MACF1: variants seen among roughly 807,000 people sequenced by gnomAD.
MACF1 encodes the protein microtubule actin crosslinking factor 1, also known as microtubule-actin cross-linking factor 1.
A neutral mutation model predicts 854.8 loss-of-function variants in MACF1; 193 were observed. That is an observed-to-expected ratio of 0.23 (90% confidence interval 0.20 to 0.25). The LOEUF is 0.25. MACF1 is among the 10% of genes least tolerant of loss of function. The pLI is 1.00. For synonymous variants in MACF1, 3,185 were observed against 3,226.7 expected (o/e 0.99, Z 0.44); for missense variants, 7,722 against 8,929.1 (o/e 0.86, Z 5.45).
intron 26 of MACF1, among the ~76,000 whole-genome samples, chr1:39,315,233 C>G (rs1424289096): frequency 1.3e-5 from 2 of 152,126 alleles, no homozygotes; most frequent in African/African-American, 4.8e-5. Flanking sequence ...ATTTTCCCTT[C>G]TTTTATATAC....
Position 39,250,054 on chromosome 1 carries a change from A to T in MACF1, c.212A>T (p.Asp71Val). The T allele has an allele frequency of 1.2e-6, 2 of 1,613,842 alleles. No individual in the cohort carries two copies. Among genetic ancestry groups the T allele is most frequent in the Non-Finnish European group, 1.7e-6 (2 of 1,179,816 alleles). The change falls in exon 3 of 101, where the codon GAT becomes GTT. Residue 71 changes from aspartate (D) to valine (V), a missense_variant. By Grantham distance (152) the Asp-to-Val change is radical. Around this residue, in one of 15 missense-constraint regions of MACF1, gnomAD observed 82 missense variants for 84.0 expected, o/e 0.98. Coordinates refer to ENST00000564288, the MANE Select transcript of MACF1 (RefSeq NM_001394062.1). ...HINDLYEDLR[D>V]GHNLISLLEV... is the part of the protein sequence containing the mutation. ...AATGATCTTTATGAAGATCTGCGGG[A>T]TGGCCATAACCTGATCTCTCTGTTG...
At chr1:39,090,574 T>A (rs1641777960) in intron 2 of MACF1, among the ~76,000 whole-genome samples, 1 of 152,206 alleles carries the variant, frequency 6.6e-6, no homozygotes, top group Non-Finnish European at 1.5e-5. Context: ...TGTAATGCCA[T>A]CTTAATGCCA....
intron 92 of MACF1, 80 bp from the exon 93 acceptor site, chr1:39,461,791 CAAAAAAAAAAAA>C (rs59393084): frequency 7.4e-5 from 26 of 350,900 alleles, no homozygotes; most frequent in African/African-American, 1.5e-4. Flanking sequence ...GACCTTGTCT[CAAAAAAAAAAAA>C]AAAAAAAAAA....
At chr1:39,317,742 A>G (rs1306685180) in intron 29 of MACF1, among the ~76,000 whole-genome samples, 2 of 152,196 alleles carry the variant, frequency 1.3e-5, no homozygotes, top group African/African-American at 4.8e-5. Flanking sequence ...TTTGTATCCA[A>G]ATATGAGCCA....
chr1:39,485,524 T>C lies in MACF1; in HGVS notation c.22412-14T>C. 6.2e-7 allele frequency: 1 copy of C among 1,602,420 alleles called. No individual in the cohort carries two copies. The highest frequency in any genetic ancestry group is 8.5e-7 in the Non-Finnish European group (1 of 1,174,400). The stretch of plus-strand genomic sequence containing the variant: ...CATCTCTATTAAGTCTGCTGTTTTA[T>C]TCTTGAATTCCAGACCCTAAAAAGT... On this transcript the variant is annotated splice_polypyrimidine_tract_variant and intron_variant, in intron 100 of 100. Coordinates refer to ENST00000564288, the MANE Select transcript of MACF1 (RefSeq NM_001394062.1).
intron 2 of MACF1, among the ~76,000 whole-genome samples, chr1:39,189,162 C>T (rs1644215450): frequency 6.6e-6 from 1 of 152,206 alleles, no homozygotes; most frequent in Admixed American, 6.5e-5. Flanking sequence ...CTTCTCCTAC[C>T]AAGTCTTCAG....
intron 2 of MACF1, among the ~76,000 whole-genome samples, chr1:39,147,077 C>T (rs1643482678): frequency 6.7e-6 from 1 of 150,132 alleles, no homozygotes; most frequent in African/African-American, 2.5e-5. Flanking sequence ...CCTTCTCTCT[C>T]TTCCTCTCCT....
Position 39,302,953 on chromosome 1 carries a change from G to A in MACF1, c.2664G>A (p.Val888=). 2 of 1,614,128 alleles carry A rather than the reference G, an allele frequency of 1.2e-6. No homozygotes were observed. The highest frequency in any genetic ancestry group is 1.7e-6 in the Non-Finnish European group (2 of 1,179,964). The stretch of plus-strand genomic sequence containing the variant: ...CTATTTGCAAAAATGATGAATGTGT[G>A]CTAGAAGATAATTCTCAGCGGACCA... The part of the protein sequence containing the change: ...EITICKNDEC[V]LEDNSQRTKW... The change falls in exon 23 of 101, where the codon GTG becomes GTA. Residue 888 remains valine (V), a synonymous_variant. Coordinates refer to ENST00000564288, the MANE Select transcript of MACF1 (RefSeq NM_001394062.1).
intron 40 of MACF1, 41 bp from the exon 41 acceptor site, chr1:39,346,936 A>G (rs374286129): frequency 1.5e-6 from 2 of 1,308,644 alleles, no homozygotes; most frequent in African/African-American, 1.5e-5. Flanking sequence ...TGGAAGTATC[A>G]TGGTTTTTTG....
chr1:39,179,376 A>T (rs1401150993), intron 2 of MACF1, among the ~76,000 whole-genome samples: 1 of 152,198 alleles, frequency 6.6e-6, no homozygotes, highest in African/African-American at 2.4e-5. Context: ...GGATACTGGA[A>T]TGCCATTGAA....
intron 2 of MACF1, among the ~76,000 whole-genome samples, chr1:39,186,214 C>G (rs55714454): frequency 0.13 from 7,487 of 57,824 alleles, 726 homozygotes; most frequent in African/African-American, 0.3. Context: ...CTCTCTCTCT[C>G]TGTGTGTGTG....
intron 2 of MACF1, among the ~76,000 whole-genome samples, chr1:39,150,559 A>G (rs1437025622): frequency 2.0e-5 from 3 of 152,204 alleles, no homozygotes; most frequent in African/African-American, 4.8e-5. Flanking sequence ...AAAGATGTTA[A>G]GTGAGAATCC....
Position 39,380,337 on chromosome 1 carries a change from G to A in MACF1, c.13612G>A (p.Glu4538Lys), listed in dbSNP as rs1650068023. ...ACTGGTGACATATCCCAACTCACAG[G>A]AAGCAGAAAATTGGAAGAAAATTCA... The part of the protein sequence containing the change: ...GLLVTYPNSQ[E>K]AENWKKIQEE... Residue 4538 changes from glutamate to lysine, a missense_variant, in exon 55 of 101, where the codon GAA (glutamate) becomes AAA (lysine). Glu to Lys is a moderately conservative substitution (Grantham distance 56, BLOSUM62 1). Around this residue, in one of 15 missense-constraint regions of MACF1, gnomAD observed 2,807 missense variants for 3,235.8 expected, o/e 0.87. Transcript: ENST00000564288. The A allele has an allele frequency of 6.2e-7, 1 of 1,613,362 alleles. No homozygotes were observed. The highest frequency in any genetic ancestry group is 8.5e-7 in the Non-Finnish European group (1 of 1,179,738).
intron 53 of MACF1, 128 bp from the exon 54 acceptor site, chr1:39,379,075 A>G: frequency 9.8e-7 from 1 of 1,017,786 alleles, no homozygotes; most frequent in East Asian, 2.5e-5. Flanking sequence ...CTTTTGTATG[A>G]TTTAGCAGGA....
At chr1:39,467,926 T>C (rs999883103) in intron 95 of MACF1, 10 of 152,252 alleles carry the variant, frequency 6.6e-5, no homozygotes, top group African/African-American at 2.4e-4. Context: ...GAAGTTGATA[T>C]CCACAATCTT....
At chr1:39,163,035 G>A (rs1346297429) in intron 2 of MACF1, among the ~76,000 whole-genome samples, 7 of 152,070 alleles carry the variant, frequency 4.6e-5, no homozygotes, top group Admixed American at 3.9e-4. Context: ...TTTCTCTTCA[G>A]TGCCAGGTTA....
At chr1:39,102,198 A>AGAGG (rs1642104479) in intron 2 of MACF1, among the ~76,000 whole-genome samples, 1 of 149,680 alleles carries the variant, frequency 6.7e-6, no homozygotes, top group African/African-American at 2.4e-5. Flanking sequence ...AAAGAAAGAG[A>AGAGG]GAGAGAGAGA....
intron 55 of MACF1, 91 bp from the exon 56 acceptor site, chr1:39,381,845 AATAACGCTTCTGGGGTC>A: frequency 5.0e-6 from 4 of 794,196 alleles, no homozygotes; most frequent in Non-Finnish European, 8.6e-6. Context: ...TAAATAAATA[AATAACGCTTCTGGGGTC>A]ATTTCCTGCA....
intron 58 of MACF1, among the ~76,000 whole-genome samples, chr1:39,394,390 G>A (rs1196318177): frequency 6.6e-6 from 1 of 152,132 alleles, no homozygotes; most frequent in Non-Finnish European, 1.5e-5. Flanking sequence ...GGAAGGCTGA[G>A]GTGGGTGGAT....
Sources: allele counts gnomAD v4.1 joint callset (sites outside exome capture counted in the v4.1 genomes callset), GRCh38; gene constraint gnomAD v4.1.1; regional missense constraint gnomAD v4.1.1; transcripts MANE v1.5; gene names NCBI Gene and HGNC (gene_info 2026-07-23, HGNC 2026-07-21).